Variants in PCDHGB4 observed in about 807,000 individuals in gnomAD.
The protein encoded by PCDHGB4 is protocadherin gamma-B4.
PCDHGB4 carries 38 observed loss-of-function variants against 60.5 expected under a neutral mutation model. The ratio of observed to expected loss-of-function variants is 0.63; its 90% CI spans 0.48 to 0.82. The LOEUF is 0.82. PCDHGB4 is among the 40% of genes least tolerant of loss of function. The probability of loss-of-function intolerance (pLI) is 0.00; values close to 1 mark genes in which losing one functional copy is unlikely to be tolerated. For missense variants in PCDHGB4, 1,109 were observed against 1,209.6 expected (o/e 0.92, Z 1.23); for synonymous variants, 456 against 509.7 (o/e 0.89, Z 1.42).
chr5:141,464,823 C>T (rs890811354), intron 1 of PCDHGB4, among the ~76,000 whole-genome samples: 5 of 151,986 alleles, frequency 3.3e-5, no homozygotes, highest in African/African-American at 1.2e-4. Flanking sequence ...ACTGTAGCCT[C>T]GCACTCCTGG....
At position 141,486,873 on chromosome 5, in the gene PCDHGB4, G is replaced by A. The variant is rs769661146; in HGVS notation, c.2398-7934G>A. On this transcript the variant is annotated intron_variant, in intron 1 of 3. Transcript: ENST00000519479. This position sits in a 1 kb window ranked among gnomAD's most constrained non-coding sequence, Gnocchi z 5.0. ...AATGACAATGCTCCAGCTGTGCTCCGTCCTCGGGCCCGGCCTGGTTCCTTA... is the reference window on the plus strand; with the variant it reads ...AATGACAATGCTCCAGCTGTGCTCCATCCTCGGGCCCGGCCTGGTTCCTTA... 1.6e-5 allele frequency: 26 copies of A among 1,614,082 alleles called. No individual in the cohort carries two copies. Among genetic ancestry groups the A allele is most frequent in the African/African-American group, 4.0e-5 (3 of 74,922 alleles).
intron 1 of PCDHGB4, chr5:141,418,394 T>C: frequency 6.2e-7 from 1 of 1,614,020 alleles, no homozygotes; most frequent in Non-Finnish European, 8.5e-7. Flanking sequence ...CGAGTATTTC[T>C]CATTGGTGGA....
rs762866893 is a variant in PCDHGB4 at position 141,389,080 on chromosome 5, C to T, written c.1196C>T (p.Thr399Met). The part of the protein sequence containing the change: ...PFKILTSSRN[T>M]YKLVTDAVLD... The stretch of plus-strand genomic sequence containing the variant: ...AAAATATTAACTTCTTCAAGAAACA[C>T]GTATAAATTAGTGACAGATGCTGTT... Residue 399 changes from threonine (T) to methionine (M), a missense_variant, in exon 1 of 4, where the codon ACG (threonine) becomes ATG (methionine). Physicochemically the swap from Thr to Met is moderately conservative, Grantham distance 81 (BLOSUM62 -1). This residue lies in a region of PCDHGB4 where 1,068 missense variants were observed against 1,089.9 expected (regional missense o/e 0.98). Coordinates refer to ENST00000519479, the MANE Select transcript of PCDHGB4 (RefSeq NM_003736.4). The T allele has an allele frequency of 5.0e-6, 8 of 1,613,866 alleles. No homozygotes were observed. The highest frequency in any genetic ancestry group is 2.7e-5 in the African/African-American group (2 of 74,942).
At chr5:141,407,932 C>T (rs1465007397) in intron 1 of PCDHGB4, 7 of 504,268 alleles carry the variant, frequency 1.4e-5, no homozygotes, top group Non-Finnish European at 2.0e-5. Context: ...CACGGAGCCT[C>T]TGGGCGCCGC....
At position 141,485,396 on chromosome 5, in the gene PCDHGB4, T is replaced by C. The variant is rs1466959644; in HGVS notation, c.2398-9411T>C. 2.5e-6 allele frequency: 4 copies of C among 1,614,042 alleles called. No homozygotes were observed. Among genetic ancestry groups the C allele is most frequent in the Non-Finnish European group, 3.4e-6 (4 of 1,179,960 alleles). On this transcript the variant is annotated intron_variant, in intron 1 of 3. Coordinates refer to ENST00000519479, the MANE Select transcript of PCDHGB4 (RefSeq NM_003736.4). The surrounding 1 kb of genome is among the most constrained non-coding windows in gnomAD (Gnocchi z 5.7). ...CGCTGGAGAGGTGAACCAAAGACAC[T>C]TCCGTGTGGATTTGGACAGCGGAGC...
In PCDHGB4 at chr5:141,489,684, T is replaced by A; in HGVS notation, c.2398-5123T>A. 1 of 1,614,180 alleles carries A rather than the reference T, an allele frequency of 6.2e-7. No homozygotes were observed. Among genetic ancestry groups the A allele is most frequent in the South Asian group, 1.1e-5 (1 of 91,078 alleles). ...TGCGCATCTCAGAATCAGCAGCATC[T>A]GGGGCACGATTCCCACTGGACAGTG... On this transcript the variant is annotated intron_variant, in intron 1 of 3. Transcript: ENST00000519479. This position sits in a 1 kb window ranked among gnomAD's most constrained non-coding sequence, Gnocchi z 4.5.
chr5:141,420,036 G>C, intron 1 of PCDHGB4: 1 of 1,614,078 alleles, frequency 6.2e-7, no homozygotes. Context: ...GCAGGAGACT[G>C]CTTTGAGTCA....
chr5:141,432,992 G>A lies in PCDHGB4; in HGVS notation c.2397+42711G>A, dbSNP rs777975384. On this transcript the variant is annotated intron_variant, in intron 1 of 3. Coordinates refer to ENST00000519479, the MANE Select transcript of PCDHGB4 (RefSeq NM_003736.4). The surrounding 1 kb of genome is among the most constrained non-coding windows in gnomAD (Gnocchi z 6.0). The stretch of plus-strand genomic sequence containing the variant: ...GGCGTCGCACTTTGTGGGCGTGGAC[G>A]GGGTGCAGGCTTTCCTGCAGACCTA... 1.9e-6 allele frequency: 3 copies of A among 1,614,174 alleles called. No homozygotes were observed. In the Admixed American group the frequency reaches 5.0e-5, roughly 27 times the overall value.
intron 1 of PCDHGB4, chr5:141,423,486 C>G: frequency 6.2e-7 from 1 of 1,613,952 alleles, no homozygotes; most frequent in Non-Finnish European, 8.5e-7. Context: ...TCCTGCAAAC[C>G]TATTCCCACG....
At chr5:141,423,398 G>T in intron 1 of PCDHGB4, 7 of 1,614,172 alleles carry the variant, frequency 4.3e-6, no homozygotes, top group Non-Finnish European at 5.9e-6. Flanking sequence ...CATAAGTCAC[G>T]CCTGCTGCAG....
chr5:141,414,318 G>A (rs1212643655), intron 1 of PCDHGB4: 1 of 1,613,772 alleles, frequency 6.2e-7, no homozygotes, highest in Non-Finnish European at 8.5e-7. Context: ...TAGACTCTGA[G>A]CAGAATGGAC....
intron 1 of PCDHGB4, chr5:141,395,088 C>T (rs778953049): frequency 4.3e-6 from 7 of 1,614,194 alleles, no homozygotes; most frequent in African/African-American, 1.3e-5. Flanking sequence ...GGAAGTCTCC[C>T]TCACCGCCGA....
intron 1 of PCDHGB4, chr5:141,404,780 AAGGCCAGTGAGCC>A: frequency 6.2e-7 from 1 of 1,612,764 alleles, no homozygotes; most frequent in Non-Finnish European, 8.5e-7. Context: ...CCGCCTATTC[AAGGCCAGTGAGCC>A]AGGGCTCTTC....
In PCDHGB4 at chr5:141,432,856, G is replaced by C; in HGVS notation, c.2397+42575G>C. 1 of 1,614,142 alleles carries C rather than the reference G, an allele frequency of 6.2e-7. No homozygotes were observed. The highest frequency in any genetic ancestry group is 1.7e-5 in the Admixed American group (1 of 60,030). On this transcript the variant is annotated intron_variant, in intron 1 of 3. Coordinates refer to ENST00000519479, the MANE Select transcript of PCDHGB4 (RefSeq NM_003736.4). This position sits in a 1 kb window ranked among gnomAD's most constrained non-coding sequence, Gnocchi z 6.0. Reference sequence around the variant, plus strand: ...TGTACCTGGTGGTAGCGGTGGCCGCGGTCTCCTGCGTCTTCCTGGCCTTCG... The same window carrying C: ...TGTACCTGGTGGTAGCGGTGGCCGCCGTCTCCTGCGTCTTCCTGGCCTTCG...
chr5:141,500,499 G>T lies in PCDHGB4; in HGVS notation c.2457-4894G>T, dbSNP rs531501031. On this transcript the variant is annotated intron_variant, in intron 2 of 3. Transcript: ENST00000519479. ...GCTGGGATTACAGGCGTGAGCCACC[G>T]CGCCTGGCCGAGCTTCATTTTAAAA... Among the ~76,000 whole-genome samples, 24 of 152,088 alleles carry T rather than the reference G, an allele frequency of 1.6e-4. 1 individual carries two copies. In the Middle Eastern group the frequency reaches 0.01, roughly 65 times the overall value.
intron 1 of PCDHGB4, chr5:141,413,154 A>G: frequency 6.3e-7 from 1 of 1,576,026 alleles, no homozygotes; most frequent in Middle Eastern, 1.7e-4. Context: ...AGGACTTTGC[A>G]GAATTCTGTA....
intron 1 of PCDHGB4, chr5:141,427,102 C>T (rs1363595185): frequency 6.6e-6 from 3 of 457,858 alleles, no homozygotes; most frequent in South Asian, 3.1e-5. Flanking sequence ...GGTGTCAATG[C>T]GGAGATCACC....
intron 1 of PCDHGB4, chr5:141,478,871 T>C: frequency 2.4e-6 from 3 of 1,274,796 alleles, no homozygotes; most frequent in Non-Finnish European, 3.1e-6. Flanking sequence ...GCGATCAGAG[T>C]TTAGCTTGGT....
intron 1 of PCDHGB4, among the ~76,000 whole-genome samples, chr5:141,484,569 AGACT>A (rs1376518478): frequency 1.3e-5 from 2 of 152,106 alleles, no homozygotes; most frequent in African/African-American, 2.4e-5. Context: ...CAATACAATC[AGACT>A]GAGACGGAAG....
Sources: gnomAD v4.1 joint callset for allele counts (sites outside exome capture counted in the v4.1 genomes callset) on GRCh38, gnomAD v4.1.1 for gene constraint, gnomAD v4.1.1 regional missense constraint, Gnocchi (gnomAD v3.1) non-coding constraint, MANE v1.5 for transcripts, NCBI Gene and HGNC (gene_info 2026-07-23, HGNC 2026-07-21) for gene names.